The following PDCD1LG2 variants were observed in gnomAD, a reference collection of about 807,000 sequenced individuals.
PDCD1LG2 encodes the protein B7 dendritic cell molecule.
In PDCD1LG2, 32 loss-of-function variants were observed where a neutral mutation model predicts 28.2. The observed-to-expected ratio is 1.13, with a 90% CI of 0.86 to 1.52. The LOEUF is 1.52. Ranked by LOEUF, PDCD1LG2 falls within the 40% of genes most tolerant of loss-of-function variation. The pLI, the probability that PDCD1LG2 is intolerant of heterozygous loss-of-function variation, is 0.00. For missense variants in PDCD1LG2, 385 were observed against 323.8 expected (o/e 1.19, Z -1.45); for synonymous variants, 116 against 120.2 (o/e 0.97, Z 0.23).
chr9:5,570,719 A>AT lies in PDCD1LG2; in HGVS notation c.*761dup. ...TTTGTTTTTACCTTAGAAATCAATT[A>AT]TATACAGTCAAAAATATTTGATATG... On this transcript the variant is annotated 3_prime_UTR_variant, in exon 7 of 7. Coordinates refer to ENST00000397747, the MANE Select transcript of PDCD1LG2 (RefSeq NM_025239.4). 4.3e-6 allele frequency: 1 copy of AT among 231,870 alleles called. No homozygotes were observed. The highest frequency in any genetic ancestry group is 6.1e-5 in the East Asian group (1 of 16,336). 14.4% of individuals were successfully genotyped at this position (231,870 alleles called of 1,614,324 possible). A position where few individuals can be genotyped will look rare whatever the true frequency, so the allele number is the denominator to read the frequency against.
At chr9:5,511,840 G>C (rs1421592947) in intron 1 of PDCD1LG2, among the ~76,000 whole-genome samples, 1 of 152,164 alleles carries the variant, frequency 6.6e-6, no homozygotes. Context: ...CTGTTGGTGA[G>C]CTTTTCCATT....
chr9:5,557,711 C>A lies in PDCD1LG2; in HGVS notation c.725C>A (p.Ala242Asp), dbSNP rs768414568. Residue 242 changes from alanine (A) to aspartate (D), a missense_variant, in exon 5 of 7, where the codon GCC (alanine) becomes GAC (aspartate). By Grantham distance (126) the Ala-to-Asp change is moderately radical (BLOSUM62 -2). Coordinates refer to ENST00000397747, the MANE Select transcript of PDCD1LG2 (RefSeq NM_025239.4). ...IAFIFIATVIALRKQLCQKLY... is the reference protein window; with the variant it reads ...IAFIFIATVIDLRKQLCQKLY... Reference sequence around the variant, plus strand: ...TTCATTTTCATAGCCACAGTGATAGCCCTAAGAAAACAACTCTGTCAAAAG... The same window carrying A: ...TTCATTTTCATAGCCACAGTGATAGACCTAAGAAAACAACTCTGTCAAAAG... 1.2e-6 allele frequency: 2 copies of A among 1,613,892 alleles called. No individual in the cohort carries two copies. The highest frequency in any genetic ancestry group is 2.7e-5 in the African/African-American group (2 of 75,022).
intron 4 of PDCD1LG2, among the ~76,000 whole-genome samples, chr9:5,551,215 G>A (rs539630728): frequency 6.6e-6 from 1 of 152,176 alleles, no homozygotes; most frequent in Admixed American, 6.5e-5. Flanking sequence ...CTACTGAGAA[G>A]GGATATACTC....
intron 4 of PDCD1LG2, among the ~76,000 whole-genome samples, chr9:5,556,753 T>C (rs1345706584): frequency 6.6e-6 from 1 of 152,142 alleles, no homozygotes; most frequent in Non-Finnish European, 1.5e-5. Flanking sequence ...AGAGGCAAAA[T>C]TCAAGCTTTT....
At chr9:5,549,697 G>C in intron 4 of PDCD1LG2, 93 bp downstream of exon 4, 1 of 1,455,774 alleles carries the variant, frequency 6.9e-7, no homozygotes, top group Non-Finnish European at 9.4e-7. Context: ...GTGTAATAAA[G>C]GGACTGTTTA....
intron 5 of PDCD1LG2, among the ~76,000 whole-genome samples, chr9:5,559,192 T>A (rs927216082): frequency 1.3e-5 from 2 of 152,118 alleles, no homozygotes; most frequent in African/African-American, 4.8e-5. Context: ...TAAGAGTGAG[T>A]GAGGATATCA....
chr9:5,538,694 A>G (rs1820631924), intron 3 of PDCD1LG2, among the ~76,000 whole-genome samples: 1 of 151,828 alleles, frequency 6.6e-6, no homozygotes, highest in South Asian at 2.1e-4. Flanking sequence ...TCTCAAAAAA[A>G]GAAAAAAAAA....
intron 3 of PDCD1LG2, among the ~76,000 whole-genome samples, chr9:5,544,017 G>A (rs1045014697): frequency 1.3e-5 from 2 of 152,162 alleles, no homozygotes; most frequent in Non-Finnish European, 2.9e-5. Context: ...ACCAAGGCAT[G>A]TAAAACTACA....
intron 2 of PDCD1LG2, among the ~76,000 whole-genome samples, chr9:5,531,861 A>T (rs7875503): frequency 0.057 from 8,715 of 152,328 alleles, 289 homozygotes; most frequent in South Asian, 0.063. Context: ...ATTATAGAAG[A>T]GTAAAAGTAG....
At chr9:5,538,287 T>C (rs899518274) in intron 3 of PDCD1LG2, among the ~76,000 whole-genome samples, 1 of 152,210 alleles carries the variant, frequency 6.6e-6, no homozygotes, top group Non-Finnish European at 1.5e-5. Context: ...TTCATACATA[T>C]TCTTTTGTTT....
intron 1 of PDCD1LG2, among the ~76,000 whole-genome samples, chr9:5,519,791 C>T (rs1167178791): frequency 6.6e-6 from 1 of 152,170 alleles, no homozygotes; most frequent in Non-Finnish European, 1.5e-5. Context: ...CTCCCCCAGC[C>T]TTCTCCATTT....
intron 3 of PDCD1LG2, among the ~76,000 whole-genome samples, chr9:5,546,830 G>A (rs1349504024): frequency 1.3e-5 from 2 of 152,200 alleles, no homozygotes; most frequent in Non-Finnish European, 2.9e-5. Context: ...AGATGTCAGA[G>A]CTTTTTGGGA....
chr9:5,529,667 C>G (rs563575478), intron 2 of PDCD1LG2, among the ~76,000 whole-genome samples: 1 of 152,164 alleles, frequency 6.6e-6, no homozygotes, highest in African/African-American at 2.4e-5. Flanking sequence ...TTTTTCTTCT[C>G]TCTTCGTACT....
intron 2 of PDCD1LG2, among the ~76,000 whole-genome samples, 173 bp downstream of exon 2, chr9:5,522,774 C>G (rs1212955720): frequency 6.6e-6 from 1 of 151,816 alleles, no homozygotes; most frequent in Non-Finnish European, 1.5e-5. Context: ...GTGGCTTATA[C>G]ATGCCAATGT....
intron 3 of PDCD1LG2, among the ~76,000 whole-genome samples, chr9:5,538,251 TA>T (rs1820619788): frequency 6.6e-6 from 1 of 152,182 alleles, no homozygotes; most frequent in South Asian, 2.1e-4. Context: ...TCCCCTTTTT[TA>T]ACACAGGAAA....
intron 2 of PDCD1LG2, among the ~76,000 whole-genome samples, chr9:5,524,776 G>T (rs1429908959): frequency 6.6e-6 from 1 of 152,048 alleles, no homozygotes; most frequent in Non-Finnish European, 1.5e-5. Flanking sequence ...CAAGAAGCAT[G>T]TATTAGGTAT....
intron 2 of PDCD1LG2, among the ~76,000 whole-genome samples, chr9:5,528,657 C>T (rs1382680330): frequency 1.3e-5 from 2 of 152,026 alleles, no homozygotes; most frequent in African/African-American, 4.8e-5. Flanking sequence ...ACATTCAAAT[C>T]ATTTCATCCT....
intron 2 of PDCD1LG2, among the ~76,000 whole-genome samples, chr9:5,523,265 G>A (rs956787845): frequency 1.3e-5 from 2 of 152,192 alleles, no homozygotes; most frequent in African/African-American, 2.4e-5. Flanking sequence ...CAGACCATTC[G>A]AGGGTGTAGT....
intron 3 of PDCD1LG2, among the ~76,000 whole-genome samples, chr9:5,540,716 A>G (rs1009078593): frequency 2.6e-5 from 4 of 152,180 alleles, no homozygotes; most frequent in African/African-American, 9.7e-5. Context: ...TTGAATGGTA[A>G]CTTTTAAAAT....
Sources: gnomAD v4.1 joint callset for allele counts (sites outside exome capture counted in the v4.1 genomes callset) on GRCh38, gnomAD v4.1.1 for gene constraint, MANE v1.5 for transcripts, NCBI Gene and HGNC (gene_info 2026-07-23, HGNC 2026-07-21) for gene names.